Variants in DHX57 observed in about 807,000 individuals in gnomAD.
DHX57 encodes the protein DExH-box helicase 57.
A neutral mutation model predicts 156.2 loss-of-function variants in DHX57; 105 were observed. The observed-to-expected ratio is 0.67, with a 90% CI of 0.57 to 0.79. The LOEUF (loss-of-function observed/expected upper bound fraction) is 0.79, where lower values mean the gene tolerates loss of function less well. Among genes scored for constraint, DHX57 ranks in the 30% least tolerant of loss-of-function variants. DHX57 has a pLI of 0.00. For missense variants in DHX57, 1,847 were observed against 1,661.9 expected, an observed-to-expected ratio of 1.11 and a Z score of -1.94; for synonymous variants, 704 against 595.6, an observed-to-expected ratio of 1.18 and a Z score of -2.65.
At chr2:38,862,828 T>C (rs1673307438) in intron 3 of DHX57, 3 of 154,188 alleles carry the variant, frequency 1.9e-5, no homozygotes. Context: ...ATAAGAGATT[T>C]GTAGATAGGA....
chr2:38,866,457 G>A (rs971245827), intron 2 of DHX57, among the ~76,000 whole-genome samples: 1 of 152,116 alleles, frequency 6.6e-6, no homozygotes, highest in Admixed American at 6.5e-5. Context: ...TACCTTATTA[G>A]GGGGGCTTTC....
chr2:38,802,799 G>C lies in DHX57; in HGVS notation c.3933C>G (p.Gly1311=), dbSNP rs917894109. 1 of 1,614,088 alleles carries C rather than the reference G, an allele frequency of 6.2e-7. No homozygotes were observed. The highest frequency in any genetic ancestry group is 1.3e-5 in the African/African-American group (1 of 75,026). Residue 1311 remains glycine, a synonymous_variant, in exon 23 of 24, where the codon GGC becomes GGG. Transcript: ENST00000457308. ...SVYPLVLFGG[G]QVNVQLQRGE... ...CTCTTTGAAGCTGCACATTCACTTG[G>C]CCTCCTCCAAACAAGACCAGCGGGT... is the stretch of plus-strand genomic sequence containing the variant.
intron 19 of DHX57, chr2:38,816,162 G>A: frequency 2.1e-6 from 1 of 470,876 alleles, no homozygotes; most frequent in South Asian, 1.5e-5. Flanking sequence ...CCTTCATTAT[G>A]GTCTTGCTGG....
intron 9 of DHX57, among the ~76,000 whole-genome samples, chr2:38,850,076 G>A (rs1040968861): frequency 2.0e-5 from 3 of 152,146 alleles, no homozygotes; most frequent in African/African-American, 7.2e-5. Context: ...CTGGGACATA[G>A]TAAGTACTCA....
intron 21 of DHX57, among the ~76,000 whole-genome samples, chr2:38,812,598 A>T (rs1670306137): frequency 6.6e-6 from 1 of 152,112 alleles, no homozygotes; most frequent in South Asian, 2.1e-4. Flanking sequence ...CAATGGTATG[A>T]TCTCGCCTCA....
In DHX57 at chr2:38,861,011, G is replaced by C. The variant is rs143424339; in HGVS notation, c.1399C>G (p.Gln467Glu). ...VIPNNSFVSNQIPEVEKASES... is the reference protein window; with the variant it reads ...VIPNNSFVSNEIPEVEKASES... The stretch of plus-strand genomic sequence containing the variant: ...ATGCCTTACATACCTTCTGGAATTT[G>C]ATTAGAAACAAAAGAATTATTTGGA... Residue 467 changes from glutamine (Q) to glutamate (E), a missense_variant, in exon 5 of 24, where the codon CAA (glutamine) becomes GAA (glutamate). Coordinates refer to ENST00000457308, the MANE Select transcript of DHX57 (RefSeq NM_198963.3). 1.9e-5 allele frequency: 30 copies of C among 1,612,896 alleles called. No homozygotes were observed. In the African/African-American group the frequency reaches 3.7e-4, roughly 20 times the overall value.
At chr2:38,799,925 TG>T (rs1359866483) in intron 23 of DHX57, among the ~76,000 whole-genome samples, 1 of 150,756 alleles carries the variant, frequency 6.6e-6, no homozygotes, top group Non-Finnish European at 1.5e-5. Context: ...CGGTGGCTCA[TG>T]CCTGTAATCC....
At position 38,837,836 on chromosome 2, in the gene DHX57, G is replaced by A; in HGVS notation, c.2537C>T (p.Pro846Leu). 1.3e-6 allele frequency: 2 copies of A among 1,582,138 alleles called. No individual in the cohort carries two copies. The highest frequency in any genetic ancestry group is 1.1e-5 in the South Asian group (1 of 90,208). The change falls in exon 13 of 24, where the codon CCT becomes CTT. Residue 846 changes from proline (P) to leucine (L), a missense_variant. Physicochemically the swap from Pro to Leu is moderately conservative, Grantham distance 98. Coordinates refer to ENST00000457308, the MANE Select transcript of DHX57 (RefSeq NM_198963.3). ...EWIVDGKHSYPPGAILVFLPG... is the reference protein window; with the variant it reads ...EWIVDGKHSYLPGAILVFLPG... Reference sequence around the variant, plus strand: ...CTTAATAAAGAAGCAGTTACCTGGAGGGTAGGAGTGCTTTCCATCCACAAT... The same window carrying A: ...CTTAATAAAGAAGCAGTTACCTGGAAGGTAGGAGTGCTTTCCATCCACAAT...
chr2:38,821,461 T>A (rs901958649), intron 17 of DHX57, among the ~76,000 whole-genome samples: 18 of 152,098 alleles, frequency 1.2e-4, no homozygotes, highest in African/African-American at 4.3e-4. Context: ...TTTGGGAGGC[T>A]GAGGCAGGCA....
chr2:38,871,845 T>C (rs1665369267), intron 1 of DHX57, among the ~76,000 whole-genome samples: 1 of 152,012 alleles, frequency 6.6e-6, no homozygotes, highest in South Asian at 2.1e-4. Context: ...TAGCCGGGAC[T>C]ACAGGTGACC....
chr2:38,801,261 G>A (rs529890109), intron 23 of DHX57, among the ~76,000 whole-genome samples: 116 of 151,980 alleles, frequency 7.6e-4, no homozygotes, highest in Non-Finnish European at 1.5e-3. Flanking sequence ...CTTTTTTTGG[G>A]ACAGAGTCTC....
intron 13 of DHX57, among the ~76,000 whole-genome samples, chr2:38,835,468 T>A (rs1671603210): frequency 6.6e-6 from 1 of 152,190 alleles, no homozygotes; most frequent in African/African-American, 2.4e-5. Context: ...GTCCCTGGAA[T>A]CAGGAAGCAC....
At chr2:38,836,403 G>A (rs1352025039) in intron 13 of DHX57, among the ~76,000 whole-genome samples, 2 of 151,968 alleles carry the variant, frequency 1.3e-5, no homozygotes, top group Non-Finnish European at 2.9e-5. Context: ...TCCACTTAAT[G>A]AATAGTAAAT....
At chr2:38,818,659 A>C (rs1670664704) in intron 19 of DHX57, among the ~76,000 whole-genome samples, 1 of 152,218 alleles carries the variant, frequency 6.6e-6, no homozygotes, top group African/African-American at 2.4e-5. Context: ...AGTAAACAAA[A>C]ATTCACCACA....
At chr2:38,806,727 A>AAT (rs746653176) in intron 21 of DHX57, 34 bp from the exon 22 acceptor site, 16 of 1,589,090 alleles carry the variant, frequency 1.0e-5, no homozygotes, top group East Asian at 4.6e-5. Context: ...ATAGACATAT[A>AAT]ATATATATAT....
intron 21 of DHX57, among the ~76,000 whole-genome samples, chr2:38,812,083 T>C (rs1670275971): frequency 1.3e-5 from 2 of 152,116 alleles, no homozygotes; most frequent in Non-Finnish European, 2.9e-5. Flanking sequence ...TAAATAATCT[T>C]TTTATTTTGA....
At chr2:38,811,064 G>T in intron 21 of DHX57, 1 of 624,804 alleles carries the variant, frequency 1.6e-6, no homozygotes, top group Non-Finnish European at 3.0e-6. Context: ...GTAGAGACCT[G>T]AAGGTGGTTG....
chr2:38,827,533 T>TATATATATATATATAC (rs1222862055), intron 14 of DHX57, among the ~76,000 whole-genome samples: 1 of 48,262 alleles, frequency 2.1e-5, no homozygotes, highest in African/African-American at 6.7e-5. Context: ...TATATATATA[T>TATATATATATATATAC]ACACACATAC....
At chr2:38,826,832 C>A in intron 14 of DHX57, 143 bp from the exon 15 acceptor site, 1 of 916,820 alleles carries the variant, frequency 1.1e-6, no homozygotes, top group Admixed American at 2.8e-5. Context: ...CTCAGCTCTT[C>A]TACATAGTAA....
Sources: gnomAD v4.1 joint callset for allele counts (sites outside exome capture counted in the v4.1 genomes callset) on GRCh38, gnomAD v4.1.1 for gene constraint, MANE v1.5 for transcripts, NCBI Gene and HGNC (gene_info 2026-07-23, HGNC 2026-07-21) for gene names.